Variants in ZNF215 observed in about 807,000 individuals in gnomAD.
ZNF215 encodes BWSCR2-associated zinc finger protein 2.
A neutral mutation model predicts 27.2 loss-of-function variants in ZNF215; 24 were observed. The observed-to-expected ratio is 0.88, with a 90% CI of 0.64 to 1.24. ZNF215 has a LOEUF of 1.24. ZNF215 is among the 50% of genes most tolerant of loss of function. The probability of loss-of-function intolerance (pLI) is 0.00; values close to 1 mark genes in which losing one functional copy is unlikely to be tolerated. For synonymous variants in ZNF215, 210 were observed against 204.0 expected, an observed-to-expected ratio of 1.03 and a Z score of -0.25; for missense variants, 675 against 605.7, an observed-to-expected ratio of 1.11 and a Z score of -1.20.
downstream of ZNF215, among the ~76,000 whole-genome samples, chr11:6,962,029 G>A (rs1850525572): frequency 6.6e-6 from 1 of 152,164 alleles, no homozygotes; most frequent in South Asian, 2.1e-4. Context: ...GCAGGAAACA[G>A]ATGTCATTCT....
Position 6,979,355 on chromosome 11 carries a change from T to A in ZNF215, c.806-4774T>A, listed in dbSNP as rs936445770. 2.6e-5 allele frequency among the ~76,000 whole-genome samples: 4 copies of A among 151,854 alleles called. No homozygotes were observed. In the East Asian group the frequency reaches 7.7e-4, roughly 29 times the overall value. On this transcript the variant is annotated intron_variant, in intron 5 of 5. Coordinates refer to the ZNF215 transcript ENST00000529903. ...TAATAATAATAATGATTGTGGTATA[T>A]TAGAACAAGCTGAGTCTGTGAAAAA... is the stretch of plus-strand genomic sequence containing the variant.
At chr11:6,933,171 A>G (rs1334136832) in intron 3 of ZNF215, among the ~76,000 whole-genome samples, 1 of 152,234 alleles carries the variant, frequency 6.6e-6, no homozygotes, top group Non-Finnish European at 1.5e-5. Context: ...CAGTTAGACT[A>G]TTGTGATAGA....
In ZNF215 at chr11:6,957,842, A is replaced by C. The variant is rs987708994; in HGVS notation, c.*1311A>C. The C allele has an allele frequency of 1.0e-6, 1 of 985,310 alleles. No individual in the cohort carries two copies. Among genetic ancestry groups the C allele is most frequent in the African/African-American group, 1.7e-5 (1 of 57,248 alleles). 61.0% of individuals were successfully genotyped at this position (985,310 alleles called of 1,614,324 possible). On this transcript the variant is annotated 3_prime_UTR_variant, in exon 7 of 7. Coordinates refer to ENST00000278319, the MANE Select transcript of ZNF215 (RefSeq NM_013250.4). ...TATTAAAGTCTCCTATACTCTGTAC[A>C]CCAGAACTGTGTCTTCTGTAAACTA...
intron 6 of ZNF215, among the ~76,000 whole-genome samples, chr11:6,949,583 G>C (rs1273213831): frequency 6.7e-6 from 1 of 150,004 alleles, no homozygotes; most frequent in Non-Finnish European, 1.5e-5. Flanking sequence ...GGCGTTGTTT[G>C]TTTTTTTCTT....
intron 3 of ZNF215, among the ~76,000 whole-genome samples, chr11:6,936,036 G>GA (rs1849425672): frequency 6.6e-6 from 1 of 152,078 alleles, no homozygotes; most frequent in Non-Finnish European, 1.5e-5. Flanking sequence ...GACATACAGT[G>GA]AAGGCATGGC....
chr11:6,958,001 A>G lies in ZNF215; in HGVS notation c.*1470A>G, dbSNP rs1343767853. The G allele has an allele frequency of 3.0e-6, 3 of 985,324 alleles. No homozygotes were observed. Among genetic ancestry groups the G allele is most frequent in the African/African-American group, 1.7e-5 (1 of 57,240 alleles). 61.0% of individuals were successfully genotyped at this position (985,324 alleles called of 1,614,324 possible). On this transcript the variant is annotated 3_prime_UTR_variant, in exon 7 of 7. Coordinates refer to ENST00000278319, the MANE Select transcript of ZNF215 (RefSeq NM_013250.4). ...GTTCATACCTTATTCAAAGGCAGAA[A>G]AGGTATACTGGAGTGAACTCCTATG... is the stretch of plus-strand genomic sequence containing the variant.
intron 3 of ZNF215, 133 bp downstream of exon 3, chr11:6,932,805 G>A (rs951576484): frequency 1.2e-5 from 10 of 820,766 alleles, no homozygotes; most frequent in Non-Finnish European, 1.7e-5. Flanking sequence ...AGGAAGCCTT[G>A]ACTTTATTCT....
chr11:6,948,800 T>C (rs1053630447), intron 6 of ZNF215, among the ~76,000 whole-genome samples: 3 of 152,060 alleles, frequency 2.0e-5, no homozygotes, highest in African/African-American at 7.2e-5. Context: ...ATGTGCACAA[T>C]GTGCAGGTTA....
Position 6,942,886 on chromosome 11 carries a change from G to C in ZNF215, c.484-197G>C, listed in dbSNP as rs536645824. Among the ~76,000 whole-genome samples the C allele has an allele frequency of 4.6e-5, 7 of 152,226 alleles. No individual in the cohort carries two copies. The East Asian group carries it at 9.6e-4, about 21-fold the overall frequency. ...ACTTTTCTTTTGTATCCCTAACAGA[G>C]TATATATAGTACCAATTTGTTTGGC... On this transcript the variant is annotated intron_variant, in intron 4 of 6. Transcript: ENST00000278319.
At chr11:6,929,961 C>G (rs764844056) in intron 2 of ZNF215, among the ~76,000 whole-genome samples, 16 of 152,174 alleles carry the variant, frequency 1.1e-4, no homozygotes, top group Non-Finnish European at 2.9e-5. Context: ...ATTTATATCA[C>G]TGCCTTATGA....
chr11:6,935,669 A>C (rs1176384716), intron 3 of ZNF215, among the ~76,000 whole-genome samples: 2 of 152,182 alleles, frequency 1.3e-5, no homozygotes, highest in Non-Finnish European at 2.9e-5. Flanking sequence ...AAAGATTAAA[A>C]AGGAAATAGA....
At chr11:6,968,070 G>A (rs1247487131) in intron 5 of ZNF215, among the ~76,000 whole-genome samples, 1 of 152,106 alleles carries the variant, frequency 6.6e-6, no homozygotes, top group Non-Finnish European at 1.5e-5. Flanking sequence ...GTTTTTATCA[G>A]GTTTGTCAAA....
intron 2 of ZNF215, among the ~76,000 whole-genome samples, chr11:6,929,602 T>C (rs1849179794): frequency 1.3e-5 from 2 of 152,176 alleles, no homozygotes; most frequent in African/African-American, 4.8e-5. Context: ...TTTTTCTCAT[T>C]ATTAGACTGG....
chr11:6,975,603 A>G (rs1430505322), intron 5 of ZNF215, among the ~76,000 whole-genome samples: 4 of 152,018 alleles, frequency 2.6e-5, no homozygotes, highest in African/African-American at 7.2e-5. Context: ...GGTCCCACAA[A>G]TAAGTGGGAA....
chr11:6,980,662 G>T (rs1466224749), intron 5 of ZNF215, among the ~76,000 whole-genome samples: 1 of 151,488 alleles, frequency 6.6e-6, no homozygotes, highest in Non-Finnish European at 1.5e-5. Flanking sequence ...ACATTGTGCA[G>T]GTTAGTTACA....
At chr11:6,953,902 G>C (rs1376917515) in intron 6 of ZNF215, among the ~76,000 whole-genome samples, 2 of 152,170 alleles carry the variant, frequency 1.3e-5, no homozygotes, top group Admixed American at 6.5e-5. Flanking sequence ...GTGATGTACA[G>C]ATGGGTTTTT....
intron 5 of ZNF215, among the ~76,000 whole-genome samples, chr11:6,975,286 T>C (rs1316620634): frequency 1.3e-5 from 2 of 152,008 alleles, no homozygotes; most frequent in Non-Finnish European, 2.9e-5. Flanking sequence ...TGTATATATT[T>C]ATGGGGTACA....
intron 6 of ZNF215, among the ~76,000 whole-genome samples, chr11:6,951,632 G>C (rs6578811): frequency 1.3e-5 from 2 of 152,154 alleles, no homozygotes; most frequent in African/African-American, 4.8e-5. Flanking sequence ...GTTTTCTTCT[G>C]TATTAGTCTT....
chr11:6,947,640 A>G (rs1054988276), intron 6 of ZNF215, among the ~76,000 whole-genome samples: 2 of 152,198 alleles, frequency 1.3e-5, no homozygotes, highest in Admixed American at 6.5e-5. Flanking sequence ...GGGAAATACA[A>G]TTGGAAATTC....
Sources: gnomAD v4.1 joint callset for allele counts (sites outside exome capture counted in the v4.1 genomes callset) on GRCh38, gnomAD v4.1.1 for gene constraint, MANE v1.5 for transcripts, NCBI Gene and HGNC (gene_info 2026-07-23, HGNC 2026-07-21) for gene names.